METTL2A: variants seen among roughly 807,000 people sequenced by gnomAD.
The protein encoded by METTL2A is tRNA N(3)-cytidine methyltransferase METTL2A.
METTL2A carries 45 observed loss-of-function variants against 49.4 expected under a neutral mutation model. The observed-to-expected ratio is 0.91, with a 90% CI of 0.72 to 1.17. The LOEUF (loss-of-function observed/expected upper bound fraction) is 1.17. Ranked by LOEUF, METTL2A falls within the 50% of genes most tolerant of loss-of-function variation. METTL2A has a pLI of 0.00. For synonymous variants in METTL2A, 118 were observed against 167.5 expected (o/e 0.70, Z 2.28); for missense variants, 361 against 462.2 (o/e 0.78, Z 2.01).
chr17:62,427,341 C>G (rs970997014), intron 3 of METTL2A, among the ~76,000 whole-genome samples: 36 of 152,296 alleles, frequency 2.4e-4, no homozygotes, highest in African/African-American at 8.2e-4. Context: ...AGAACAGTAT[C>G]TGGCACATAG....
At chr17:62,438,142 C>G (rs2070713470) in intron 5 of METTL2A, among the ~76,000 whole-genome samples, 1 of 151,982 alleles carries the variant, frequency 6.6e-6, no homozygotes, top group Admixed American at 6.6e-5. Flanking sequence ...TGCAGTGGTT[C>G]ATGCCTGTAA....
At chr17:62,431,535 T>C (rs1286823740) in intron 4 of METTL2A, among the ~76,000 whole-genome samples, 1 of 152,008 alleles carries the variant, frequency 6.6e-6, no homozygotes, top group Non-Finnish European at 1.5e-5. Flanking sequence ...GTCTTTTTTG[T>C]AGAAACGGGG....
intron 4 of METTL2A, among the ~76,000 whole-genome samples, chr17:62,432,310 A>G (rs1408136100): frequency 6.6e-6 from 1 of 152,366 alleles, no homozygotes; most frequent in East Asian, 1.9e-4. Context: ...TTTTAAAAAT[A>G]ATACTCTTAG....
intron 6 of METTL2A, among the ~76,000 whole-genome samples, chr17:62,444,255 T>G (rs1417265632): frequency 1.3e-5 from 2 of 152,182 alleles, no homozygotes; most frequent in Non-Finnish European, 2.9e-5. Context: ...GTGAGCCAGA[T>G]AGAGAGCAGA....
At chr17:62,448,389 C>A (rs541139462) in intron 8 of METTL2A, among the ~76,000 whole-genome samples, 186 bp from the exon 9 acceptor site, 1 of 152,088 alleles carries the variant, frequency 6.6e-6, no homozygotes, top group African/African-American at 2.4e-5. Context: ...GCGGCCCATA[C>A]GCAGTGGCTT....
Position 62,450,548 on chromosome 17 carries a change from G to A in METTL2A, c.*1819G>A, listed in dbSNP as rs1481865127. 6.6e-6 allele frequency: 1 copy of A among 152,060 alleles called. No homozygotes were observed. Among genetic ancestry groups the A allele is most frequent in the African/African-American group, 2.4e-5 (1 of 41,372 alleles). 9.4% of individuals were successfully genotyped at this position (152,060 alleles called of 1,614,324 possible). ...TTAGAAAGTAAGGACTTTTCGACCA[G>A]GCGTGGCGGCTCATGCCTATAATCC... On this transcript the variant is annotated 3_prime_UTR_variant, in exon 9 of 9. Coordinates refer to ENST00000311506, the MANE Select transcript of METTL2A (RefSeq NM_181725.4).
chr17:62,424,067 C>T, intron 1 of METTL2A, 55 bp downstream of exon 1: 4 of 1,594,776 alleles, frequency 2.5e-6, no homozygotes, highest in South Asian at 1.1e-5. Flanking sequence ...CCCGCCGCCT[C>T]GGAGCACTCC....
intron 4 of METTL2A, among the ~76,000 whole-genome samples, chr17:62,428,787 GT>G (rs943653318): frequency 2.6e-5 from 4 of 151,986 alleles, no homozygotes; most frequent in Admixed American, 1.3e-4. Flanking sequence ...TCATCAAGGG[GT>G]TTTTTTTAGT....
intron 1 of METTL2A, 86 bp from the exon 2 acceptor site, chr17:62,424,133 A>G: frequency 6.3e-7 from 1 of 1,599,338 alleles, no homozygotes; most frequent in Non-Finnish European, 8.5e-7. Context: ...GGCACTCTCC[A>G]AGGGGAGAGA....
At chr17:62,427,751 G>T (rs2070637667) in intron 3 of METTL2A, 37 bp from the exon 4 acceptor site, 1 of 1,610,352 alleles carries the variant, frequency 6.2e-7, no homozygotes, top group South Asian at 1.1e-5. Context: ...ATTAACTCTG[G>T]AAAGTTCTGT....
rs1474457255 is a variant in METTL2A, at chr17:62,453,176, G to A, written c.*4447G>A. ...CTTTGGGCTTAGATTAAAAAGACGAGCCTTCTCCTGCCCCTGCTCCCTTTT... is the reference window on the plus strand; with the variant it reads ...CTTTGGGCTTAGATTAAAAAGACGAACCTTCTCCTGCCCCTGCTCCCTTTT... On this transcript the variant is annotated 3_prime_UTR_variant, in exon 9 of 9. Coordinates refer to ENST00000311506, the MANE Select transcript of METTL2A (RefSeq NM_181725.4). 6.6e-6 allele frequency among the ~76,000 whole-genome samples: 1 copy of A among 152,058 alleles called. No individual in the cohort carries two copies. Among genetic ancestry groups the A allele is most frequent in the Non-Finnish European group, 1.5e-5 (1 of 68,022 alleles).
intron 5 of METTL2A, among the ~76,000 whole-genome samples, chr17:62,436,004 G>A (rs1263131049): frequency 6.6e-6 from 1 of 152,148 alleles, no homozygotes; most frequent in Non-Finnish European, 1.5e-5. Flanking sequence ...GGGAGGCCGG[G>A]GTGGGCAGAT....
intron 4 of METTL2A, among the ~76,000 whole-genome samples, chr17:62,433,610 G>A (rs1358020272): frequency 1.3e-5 from 2 of 148,736 alleles, no homozygotes; most frequent in Non-Finnish European, 3.0e-5. Context: ...CATGGTGGTG[G>A]GCACCTGTAG....
chr17:62,446,450 A>G (rs561214187), intron 7 of METTL2A, among the ~76,000 whole-genome samples: 3 of 152,082 alleles, frequency 2.0e-5, no homozygotes, highest in African/African-American at 4.8e-5. Flanking sequence ...AGCCGAGACT[A>G]CAGGCATGTG....
Position 62,451,992 on chromosome 17 carries a change from G to A in METTL2A, c.*3263G>A, listed in dbSNP as rs1472065778. Among the ~76,000 whole-genome samples the A allele has an allele frequency of 2.0e-5, 3 of 152,072 alleles. No homozygotes were observed. Among genetic ancestry groups the A allele is most frequent in the African/African-American group, 7.2e-5 (3 of 41,388 alleles). On this transcript the variant is annotated 3_prime_UTR_variant, in exon 9 of 9. Coordinates refer to ENST00000311506, the MANE Select transcript of METTL2A (RefSeq NM_181725.4). ...AGAGAATCATTTGAACCTGGGAGGC[G>A]GAGGTTGCGGTGAGCCGAGATCGCG...
In METTL2A at chr17:62,448,702, C is replaced by T; in HGVS notation, c.1110C>T (p.Cys370=). The stretch of plus-strand genomic sequence containing the variant: ...GGGTTTGGATTCAGTGCAAATACTG[C>T]AAGCCCCTTCTGTCCAGCACCAGCT... ...MYRVWIQCKY[C]KPLLSSTS The change falls in exon 9 of 9, where the codon TGC becomes TGT. Residue 370 remains cysteine, a synonymous_variant. Transcript: ENST00000311506. 1 of 1,614,152 alleles carries T rather than the reference C, an allele frequency of 6.2e-7. No individual in the cohort carries two copies. The highest frequency in any genetic ancestry group is 8.5e-7 in the Non-Finnish European group (1 of 1,180,034).
At chr17:62,439,404 A>C (rs1161955449) in intron 5 of METTL2A, among the ~76,000 whole-genome samples, 1 of 144,034 alleles carries the variant, frequency 6.9e-6, no homozygotes, top group Non-Finnish European at 1.5e-5. Flanking sequence ...CGTGCCTAGC[A>C]GATCGTGCTT....
At chr17:62,437,887 G>T (rs1361796720) in intron 5 of METTL2A, among the ~76,000 whole-genome samples, 1 of 151,830 alleles carries the variant, frequency 6.6e-6, no homozygotes, top group Non-Finnish European at 1.5e-5. Context: ...CAGAAGAATC[G>T]CTTGAACCCA....
At chr17:62,425,685 ACTTCTAG>A (rs2070619785) in intron 2 of METTL2A, among the ~76,000 whole-genome samples, 1 of 144,618 alleles carries the variant, frequency 6.9e-6, no homozygotes, top group Non-Finnish European at 1.5e-5. Context: ...GCACCTGGCT[ACTTCTAG>A]GATTTTTTAA....
Sources: gnomAD v4.1 joint callset for allele counts (sites outside exome capture counted in the v4.1 genomes callset) on GRCh38, gnomAD v4.1.1 for gene constraint, MANE v1.5 for transcripts, NCBI Gene and HGNC (gene_info 2026-07-23, HGNC 2026-07-21) for gene names.